The following NBPF14 variants were observed in gnomAD, a reference collection of about 807,000 sequenced individuals.
NBPF14 encodes the protein NBPF family member NBPF14.
In NBPF14, 104 loss-of-function variants were observed where a neutral mutation model predicts 91.2. The observed-to-expected ratio is 1.14, with a 90% CI of 0.97 to 1.34. The LOEUF is 1.34. NBPF14 is among the 40% of genes most tolerant of loss of function. The pLI is 0.00. For synonymous variants in NBPF14, 294 were observed against 303.8 expected (o/e 0.97, Z 0.34); for missense variants, 908 against 783.0 (o/e 1.16, Z -1.91).
intron 28 of NBPF14, 103 bp from the exon 29 acceptor site, chr1:148,566,418 A>T: frequency 1.6e-6 from 1 of 617,270 alleles, no homozygotes. Flanking sequence ...TAAAAAACTA[A>T]AAGGATAGAT....
chr1:148,534,709 G>C lies in NBPF14; in HGVS notation c.8589C>G (p.Tyr2863Ter), dbSNP rs1162045871. ...TGTCCACGTCAAGAGCCAAGCCAAG[G>C]TACTGTTCCTCCAATGAGTAAACAG... The change falls in exon 69 of 71, where the codon TAC (tyrosine) becomes TAG (stop). Residue 2863 changes from tyrosine to a stop codon, truncating the protein, a stop_gained. Transcript: ENST00000619423. LOFTEE classifies it high-confidence loss of function. 1.3e-5 allele frequency: 11 copies of C among 839,036 alleles called. No individual in the cohort carries two copies. The highest frequency in any genetic ancestry group is 2.7e-5 in the South Asian group (2 of 75,014). The allele number at this position is 839,036 out of a possible 1,614,324, so 52.0% of individuals were successfully genotyped here.
chr1:148,591,158 A>T (rs1662401502), intron 5 of NBPF14, among the ~76,000 whole-genome samples, 190 bp from the exon 6 acceptor site: 1 of 146,712 alleles, frequency 6.8e-6, no homozygotes, highest in Non-Finnish European at 1.5e-5. Flanking sequence ...TGGGAGCCAG[A>T]GAGGAAGAGA....
At chr1:148,566,542 AAC>A (rs1183408341) in intron 28 of NBPF14, among the ~76,000 whole-genome samples, 2,464 of 90,894 alleles carry the variant, frequency 0.027, 224 homozygotes, top group Middle Eastern at 0.062. Flanking sequence ...CACACACACA[AAC>A]ACACACACAC....
rs1410890610 is a variant in NBPF14 at position 148,566,558 on chromosome 1, C to G, written c.3543-243G>C. Among the ~76,000 whole-genome samples, 75 of 141,880 alleles carry G rather than the reference C, an allele frequency of 5.3e-4. 3 individuals carry two copies. Among genetic ancestry groups the G allele is most frequent in the Non-Finnish European group, 8.9e-4 (56 of 63,128 alleles). 93.1% of individuals were successfully genotyped at this position (141,880 alleles called of 152,430 possible). ...ACACACACAAACACACACACACACA[C>G]AGAGAACGAGCTCAGTGAATTGTCC... On this transcript the variant is annotated intron_variant, in intron 28 of 70. Transcript: ENST00000619423.
At position 148,533,337 on chromosome 1, in the gene NBPF14, T is replaced by A. The variant is rs1312630310; in HGVS notation, c.8724-89A>T. 1.7e-3 allele frequency: 813 copies of A among 484,560 alleles called. 16 individuals are homozygous for A. In the African/African-American group the frequency reaches 0.025, roughly 15 times the overall value. The allele number at this position is 484,560 out of a possible 1,614,324, so 30.0% of individuals were successfully genotyped here. ...AGATTTCAGAAGCAACATAAGGAAG[T>A]GGTTAGAAAAGAAAAAGGATAGAAC... On this transcript the variant is annotated intron_variant, in intron 70 of 70. Transcript: ENST00000619423.
chr1:148,566,446 A>T (rs1658316736), intron 28 of NBPF14, 131 bp from the exon 29 acceptor site: 2 of 601,050 alleles, frequency 3.3e-6, no homozygotes, highest in Non-Finnish European at 5.9e-6. Context: ...TGAGGTAACA[A>T]ATTGTTGCCT....
At chr1:148,532,402 T>C (rs1430547895) in exon 71 of NBPF14, 1 of 162,680 alleles carries the variant, frequency 6.1e-6, no homozygotes, top group African/African-American at 2.4e-5. Context: ...CAATGCTGTT[T>C]GTCCATCTAG....
chr1:148,560,240 G>C (rs1287337150), intron 36 of NBPF14, among the ~76,000 whole-genome samples: 2,154 of 147,564 alleles, frequency 0.015, 15 homozygotes, highest in African/African-American at 0.051. Context: ...TACTGGTAAG[G>C]GAGTCAAAGG....
intron 68 of NBPF14, 79 bp from the exon 69 acceptor site, chr1:148,534,935 C>T (rs1463191175): frequency 9.4e-6 from 7 of 744,362 alleles, no homozygotes; most frequent in Middle Eastern, 3.6e-4. Flanking sequence ...TCATGGCTAA[C>T]ATAAGGAACA....
intron 34 of NBPF14, among the ~76,000 whole-genome samples, 190 bp from the exon 35 acceptor site, chr1:148,561,769 A>C (rs1250003775): frequency 4.8e-5 from 5 of 105,186 alleles, no homozygotes; most frequent in South Asian, 3.5e-4. Flanking sequence ...AAAGAGAAAG[A>C]CAGATAGACA....
chr1:148,557,160 A>T (rs1656750920), intron 40 of NBPF14, among the ~76,000 whole-genome samples: 1 of 111,844 alleles, frequency 8.9e-6, no homozygotes, highest in Non-Finnish European at 1.7e-5. Flanking sequence ...GGACACTCTG[A>T]GTTAGTGCCC....
chr1:148,534,226 G>A lies in NBPF14; in HGVS notation c.8615-257C>T, dbSNP rs1406042870. Among the ~76,000 whole-genome samples the A allele has an allele frequency of 1.5e-3, 229 of 151,260 alleles. 3 individuals carry two copies. Among genetic ancestry groups the A allele is most frequent in the African/African-American group, 5.5e-3 (224 of 41,058 alleles). On this transcript the variant is annotated intron_variant, in intron 69 of 70. Transcript: ENST00000619423. ...CATTTGTCCCAAGTTTCTGCAAACA[G>A]TTACGCCATATTTTTCCAATCAACG...
At chr1:148,561,770 C>CAGAT in intron 34 of NBPF14, among the ~76,000 whole-genome samples, 191 bp from the exon 35 acceptor site, 1 of 103,910 alleles carries the variant, frequency 9.6e-6, no homozygotes, top group East Asian at 3.6e-4. Context: ...AAGAGAAAGA[C>CAGAT]AGATAGACAC....
At chr1:148,534,133 T>C (rs1222422401) in intron 69 of NBPF14, among the ~76,000 whole-genome samples, 164 bp from the exon 70 acceptor site, 1 of 146,660 alleles carries the variant, frequency 6.8e-6, no homozygotes, top group African/African-American at 2.5e-5. Context: ...ATGATAGAAA[T>C]TCCTCGGTTT....
chr1:148,580,965 T>C (rs1660822497), intron 12 of NBPF14, among the ~76,000 whole-genome samples: 2 of 97,056 alleles, frequency 2.1e-5, no homozygotes, highest in South Asian at 4.1e-4. Context: ...CATTAACTCA[T>C]CATTTAACAT....
At chr1:148,590,383 C>T (rs1662288157) in intron 6 of NBPF14, among the ~76,000 whole-genome samples, 1 of 140,760 alleles carries the variant, frequency 7.1e-6, no homozygotes, top group Admixed American at 7.1e-5. Flanking sequence ...TAAGACAAGC[C>T]AATGAAAAGG....
rs1661714422 is a variant in NBPF14 at position 148,587,300 on chromosome 1, C to T, written c.1091+1G>A. 3 of 1,580,064 alleles carry T rather than the reference C, an allele frequency of 1.9e-6. No individual in the cohort carries two copies. Among genetic ancestry groups the T allele is most frequent in the South Asian group, 1.1e-5 (1 of 89,240 alleles). On this transcript the variant is annotated splice_donor_variant, in intron 8 of 70. Transcript: ENST00000619423. LOFTEE classifies it high-confidence loss of function. ...TGCCTGCCCCCATGGGGTCCCCTCACCTGAGCTCCTCAGCTTGCTTCAGCT... is the reference window on the plus strand; with the variant it reads ...TGCCTGCCCCCATGGGGTCCCCTCATCTGAGCTCCTCAGCTTGCTTCAGCT...
intron 69 of NBPF14, 150 bp from the exon 70 acceptor site, chr1:148,534,119 G>A (rs1654399645): frequency 1.7e-6 from 1 of 573,028 alleles, no homozygotes; most frequent in Non-Finnish European, 3.1e-6. Context: ...CCTGAAGGCT[G>A]GTCATGATAG....
exon 4 of NBPF14, chr1:148,592,716 C>A (rs1375001353): frequency 6.3e-7 from 1 of 1,586,320 alleles, no homozygotes; most frequent in African/African-American, 1.4e-5. Flanking sequence ...TAACTTCTCC[C>A]TTAGCTGGGT....
Sources: allele counts gnomAD v4.1 joint callset (sites outside exome capture counted in the v4.1 genomes callset), GRCh38; gene constraint gnomAD v4.1.1; transcripts MANE v1.5; gene names NCBI Gene and HGNC (gene_info 2026-07-23, HGNC 2026-07-21).